Variants in WDHD1 observed in about 807,000 individuals in gnomAD.
WDHD1 encodes WD repeat and HMG-box DNA binding protein 1.
WDHD1 carries 111 observed loss-of-function variants against 135.4 expected under a neutral mutation model. The observed-to-expected ratio is 0.82, with a 90% CI of 0.70 to 0.96. The LOEUF is 0.96. Among genes scored for constraint, WDHD1 ranks in the 40% least tolerant of loss-of-function variants. The pLI is 0.00. For synonymous variants in WDHD1, 434 were observed against 439.0 expected, an observed-to-expected ratio of 0.99 and a Z score of 0.14; for missense variants, 1,351 against 1,336.3, an observed-to-expected ratio of 1.01 and a Z score of -0.17.
At position 55,000,483 on chromosome 14, in the gene WDHD1, T is replaced by A. The variant is rs752840211; in HGVS notation, c.942+20A>T. ...CACAGAAACATTTTGAAGAAACTGT[T>A]GTACCATACTCCCTTTTACCTTACT... On this transcript the variant is annotated intron_variant, in intron 10 of 25. Coordinates refer to ENST00000360586, the MANE Select transcript of WDHD1 (RefSeq NM_007086.4). 2 of 1,579,254 alleles carry A rather than the reference T, an allele frequency of 1.3e-6. No homozygotes were observed. The highest frequency in any genetic ancestry group is 4.6e-5 in the East Asian group (2 of 43,406).
At chr14:54,961,102 G>A (rs1335268919) in intron 21 of WDHD1, among the ~76,000 whole-genome samples, 2 of 152,062 alleles carry the variant, frequency 1.3e-5, no homozygotes, top group Non-Finnish European at 2.9e-5. Flanking sequence ...ATCACACCTG[G>A]CCAGTAGTCT....
intron 11 of WDHD1, 42 bp from the exon 12 acceptor site, chr14:54,991,442 A>C (rs1488566332): frequency 6.4e-7 from 1 of 1,567,000 alleles, no homozygotes; most frequent in South Asian, 1.1e-5. Flanking sequence ...CACGAATACC[A>C]ATGATTTGGA....
rs1193671700 is a variant in WDHD1, at chr14:54,981,622, T to A, written c.1981A>T (p.Ile661Leu). 6.2e-7 allele frequency: 1 copy of A among 1,612,178 alleles called. No individual in the cohort carries two copies. The highest frequency in any genetic ancestry group is 1.1e-5 in the South Asian group (1 of 91,000). ...TTGCAGTGCTCTCTTGTATTACATA[T>A]AGGAGTCCACGTATTACCAAGTCCT... ...NRGLGNTWTPICNTREHCKGK... is the reference protein window; with the variant it reads ...NRGLGNTWTPLCNTREHCKGK... The change falls in exon 16 of 26, where the codon ATA becomes TTA. Residue 661 changes from isoleucine (I) to leucine (L), a missense_variant. This residue lies in a region of WDHD1 where 1,330 missense variants were observed against 1,296.1 expected (regional missense o/e 1.03). Transcript: ENST00000360586.
At chr14:55,001,937 C>G (rs1209505586) in intron 8 of WDHD1, among the ~76,000 whole-genome samples, 156 bp downstream of exon 8, 1 of 152,172 alleles carries the variant, frequency 6.6e-6, no homozygotes, top group Admixed American at 6.5e-5. Flanking sequence ...AGTTATTGAT[C>G]AAATGAAGAA....
intron 2 of WDHD1, among the ~76,000 whole-genome samples, chr14:55,021,044 G>A (rs1392148392): frequency 3.9e-5 from 6 of 152,292 alleles, no homozygotes; most frequent in East Asian, 1.9e-4. Flanking sequence ...AGAGGGGGAG[G>A]AAGTAGAGGA....
At chr14:54,950,335 G>T (rs1457463697) in intron 24 of WDHD1, among the ~76,000 whole-genome samples, 1 of 152,082 alleles carries the variant, frequency 6.6e-6, no homozygotes, top group African/African-American at 2.4e-5. Flanking sequence ...AAAGGCAGGG[G>T]TTGCAATCCT....
chr14:55,019,021 C>A (rs1035714912), intron 2 of WDHD1, among the ~76,000 whole-genome samples: 1 of 151,994 alleles, frequency 6.6e-6, no homozygotes, highest in Non-Finnish European at 1.5e-5. Context: ...GAAACTCTGA[C>A]TCAAACAAAT....
intron 7 of WDHD1, among the ~76,000 whole-genome samples, chr14:55,004,228 A>G (rs937423879): frequency 2.0e-4 from 30 of 152,160 alleles, no homozygotes; most frequent in African/African-American, 7.2e-4. Flanking sequence ...TTGTGCTAAT[A>G]CATTTGCTAA....
rs1030585407 is a variant in WDHD1, at chr14:54,981,604, G to A, written c.1999C>T (p.His667Tyr). 3.8e-5 allele frequency: 61 copies of A among 1,613,218 alleles called. No homozygotes were observed. Among genetic ancestry groups the A allele is most frequent in the Non-Finnish European group, 4.6e-5 (54 of 1,179,650 alleles). The change falls in exon 16 of 26, where the codon CAC becomes TAC. Residue 667 changes from histidine (H) to tyrosine (Y), a missense_variant. By Grantham distance (83) the His-to-Tyr change is moderately conservative (BLOSUM62 2). Around this residue, in one of 2 missense-constraint regions of WDHD1, gnomAD observed 1,330 missense variants for 1,296.1 expected, o/e 1.03. Coordinates refer to ENST00000360586, the MANE Select transcript of WDHD1 (RefSeq NM_007086.4). The part of the protein sequence containing the change: ...TWTPICNTRE[H>Y]CKGKSDHYWV... ...TAGTGATCAGATTTTCCTTTGCAGT[G>A]CTCTCTTGTATTACATATAGGAGTC... is the stretch of plus-strand genomic sequence containing the variant.
chr14:55,020,482 C>T (rs2042327876), intron 2 of WDHD1, among the ~76,000 whole-genome samples: 1 of 152,212 alleles, frequency 6.6e-6, no homozygotes, highest in Non-Finnish European at 1.5e-5. Context: ...GTCTCCTTAG[C>T]TGGATCCTCT....
At chr14:54,971,712 CAAA>C (rs1195129802) in intron 16 of WDHD1, among the ~76,000 whole-genome samples, 2 of 42,278 alleles carry the variant, frequency 4.7e-5, no homozygotes, top group African/African-American at 9.1e-5. Flanking sequence ...GACTCTGCCT[CAAA>C]AAAAAAAAAA....
intron 25 of WDHD1, among the ~76,000 whole-genome samples, chr14:54,943,323 T>C (rs983371326): frequency 6.6e-6 from 1 of 152,232 alleles, no homozygotes; most frequent in Non-Finnish European, 1.5e-5. Context: ...TGTAAGTAGA[T>C]ACAATTTTTA....
rs2042207986 is a variant in WDHD1, at chr14:55,013,468, A to AT, written c.189+16dup. ...CCAGTATCATTTCATATCAATTGAT[A>AT]TAACTGTTTTTACTACCTTCAAAGC... On this transcript the variant is annotated intron_variant, in intron 3 of 25. Coordinates refer to ENST00000360586, the MANE Select transcript of WDHD1 (RefSeq NM_007086.4). 1 of 1,549,274 alleles carries AT rather than the reference A, an allele frequency of 6.5e-7. No homozygotes were observed.
rs2041969545 is a variant in WDHD1 at position 55,000,881 on chromosome 14, CA to C, written c.800+4del. 1 of 1,540,108 alleles carries C rather than the reference CA, an allele frequency of 6.5e-7. No individual in the cohort carries two copies. Among genetic ancestry groups the C allele is most frequent in the African/African-American group, 1.4e-5 (1 of 71,982 alleles). ...AGAAGAGACAAAAGATACACTAAATCATACCTTTCCATGCAGTCTTTGGTTT... is the reference window on the plus strand; with the variant it reads ...AGAAGAGACAAAAGATACACTAAATCTACCTTTCCATGCAGTCTTTGGTTT... On this transcript the variant is annotated splice_donor_region_variant and intron_variant, in intron 9 of 25. Transcript: ENST00000360586.
At chr14:54,955,141 T>A (rs2041130968) in intron 24 of WDHD1, among the ~76,000 whole-genome samples, 1 of 152,208 alleles carries the variant, frequency 6.6e-6, no homozygotes, top group Non-Finnish European at 1.5e-5. Flanking sequence ...CAAATATGTA[T>A]TTGCACATAA....
chr14:54,951,586 T>C (rs901360590), intron 24 of WDHD1, among the ~76,000 whole-genome samples: 2 of 152,198 alleles, frequency 1.3e-5, no homozygotes, highest in Non-Finnish European at 2.9e-5. Flanking sequence ...GAGGAGCTGT[T>C]ACCATTCCTT....
At chr14:54,977,499 A>G (rs2041544137) in intron 16 of WDHD1, among the ~76,000 whole-genome samples, 1 of 152,178 alleles carries the variant, frequency 6.6e-6, no homozygotes, top group Admixed American at 6.5e-5. Flanking sequence ...TTAGTTCAAG[A>G]AAAGCCTAGG....
intron 16 of WDHD1, among the ~76,000 whole-genome samples, chr14:54,978,948 T>C (rs539510101): frequency 3.3e-4 from 51 of 152,356 alleles, no homozygotes; most frequent in South Asian, 3.1e-3. Flanking sequence ...TTTCCTATTT[T>C]AGACAGGTGA....
rs549677425 is a variant in WDHD1, at chr14:54,995,211, C to A, written c.1153+392G>T. 1.1e-4 allele frequency among the ~76,000 whole-genome samples: 17 copies of A among 152,218 alleles called. No homozygotes were observed. The South Asian group carries it at 3.5e-3, about 32-fold the overall frequency. On this transcript the variant is annotated intron_variant, in intron 11 of 25. Coordinates refer to ENST00000360586, the MANE Select transcript of WDHD1 (RefSeq NM_007086.4). ...GGCCAGGCTGGTCTTGAACTCCTGACCTCAAGTGATCTGCCCATTTCAGCC... is the reference window on the plus strand; with the variant it reads ...GGCCAGGCTGGTCTTGAACTCCTGAACTCAAGTGATCTGCCCATTTCAGCC...
Sources: gnomAD v4.1 joint callset for allele counts (sites outside exome capture counted in the v4.1 genomes callset) on GRCh38, gnomAD v4.1.1 for gene constraint, gnomAD v4.1.1 regional missense constraint, MANE v1.5 for transcripts, NCBI Gene and HGNC (gene_info 2026-07-23, HGNC 2026-07-21) for gene names.